RGS6: variants seen among roughly 807,000 people sequenced by gnomAD.
RGS6 encodes regulator of G protein signaling 6, also known as regulator of G-protein signaling 6.
Under a neutral mutation model 78.5 loss-of-function variants are expected in RGS6, and 30 were observed. The observed-to-expected ratio is 0.38, with a 90% CI of 0.29 to 0.52. The LOEUF (loss-of-function observed/expected upper bound fraction) is 0.52. Among genes scored for constraint, RGS6 ranks in the 20% least tolerant of loss-of-function variants. RGS6 has a pLI of 0.85. For missense variants in RGS6, 495 were observed against 609.7 expected (o/e 0.81, Z 1.98); for synonymous variants, 206 against 206.0 (o/e 1.00, Z 0.00).
chr14:71,983,339 C>G (rs541805109), intron 2 of RGS6, among the ~76,000 whole-genome samples: 4 of 152,178 alleles, frequency 2.6e-5, no homozygotes, highest in Non-Finnish European at 1.5e-5. Flanking sequence ...ACTCCAGAGA[C>G]CTTTTTGGTT....
At chr14:71,899,257 G>T in the RGS6 span, among the ~76,000 whole-genome samples, 1 of 152,194 alleles carries the variant, frequency 6.6e-6, no homozygotes, top group Non-Finnish European at 1.5e-5. Context: ...GAACTAGCTT[G>T]TATTTGCCGC....
At chr14:72,407,608 T>C (rs536096411) in intron 3 of RGS6, among the ~76,000 whole-genome samples, 26 of 152,356 alleles carry the variant, frequency 1.7e-4, no homozygotes, top group African/African-American at 6.3e-4. Context: ...GTCCGTGTTA[T>C]TCTAGACAGT....
At chr14:72,244,935 C>T (rs892040023) in intron 2 of RGS6, among the ~76,000 whole-genome samples, 2 of 152,050 alleles carry the variant, frequency 1.3e-5, no homozygotes, top group Non-Finnish European at 2.9e-5. Context: ...AGTGATTCTC[C>T]TGCCTCAGCC....
chr14:72,458,675 A>C (rs893559014), intron 5 of RGS6, among the ~76,000 whole-genome samples: 1 of 152,162 alleles, frequency 6.6e-6, no homozygotes, highest in African/African-American at 2.4e-5. Context: ...TTTACTTCTC[A>C]TGGTTGTGGA....
intron 2 of RGS6, among the ~76,000 whole-genome samples, chr14:72,115,328 G>T (rs1367740786): frequency 6.6e-6 from 1 of 152,196 alleles, no homozygotes; most frequent in Non-Finnish European, 1.5e-5. Flanking sequence ...CCTGAGGCCA[G>T]CAGGGTAGGC....
chr14:72,260,792 C>T (rs1181599827), intron 2 of RGS6, among the ~76,000 whole-genome samples: 1 of 152,156 alleles, frequency 6.6e-6, no homozygotes, highest in East Asian at 1.9e-4. Flanking sequence ...TTCCAACATA[C>T]AGTATTTGAT....
intron 16 of RGS6, 94 bp from the exon 17 acceptor site, chr14:72,539,947 T>C (rs2097299708): frequency 1.8e-6 from 2 of 1,127,460 alleles, no homozygotes; most frequent in Non-Finnish European, 1.2e-6. Flanking sequence ...TTGTTATTCT[T>C]TAGCTGCAGC....
At chr14:72,481,805 CTTTTTTTTTTTTT>C (rs34462310) in intron 12 of RGS6, among the ~76,000 whole-genome samples, 1 of 120,074 alleles carries the variant, frequency 8.3e-6, no homozygotes, top group Admixed American at 8.9e-5. Flanking sequence ...TTTATTTTAA[CTTTTTTTTTTTTT>C]TTTTTTTTGA....
intron 2 of RGS6, among the ~76,000 whole-genome samples, chr14:72,303,551 C>T (rs1388392175): frequency 1.3e-5 from 2 of 152,224 alleles, no homozygotes; most frequent in East Asian, 1.9e-4. Flanking sequence ...CCTTAGATTC[C>T]CCCATGAGTT....
chr14:72,570,306 C>T (rs1430571221), downstream of RGS6, among the ~76,000 whole-genome samples: 1 of 152,138 alleles, frequency 6.6e-6, no homozygotes, highest in Non-Finnish European at 1.5e-5. Context: ...GGACTTGAGC[C>T]TCCTCAGATT....
the RGS6 span, among the ~76,000 whole-genome samples, chr14:71,904,396 A>G: frequency 6.6e-6 from 1 of 152,350 alleles, no homozygotes; most frequent in Non-Finnish European, 1.5e-5. Flanking sequence ...TCTTCCCCCT[A>G]GAATAATCAG....
At chr14:72,450,171 C>A (rs2095458129) in intron 3 of RGS6, among the ~76,000 whole-genome samples, 3 of 151,746 alleles carry the variant, frequency 2.0e-5, no homozygotes, top group Non-Finnish European at 4.4e-5. Flanking sequence ...TTATATATAT[C>A]TATACATATA....
rs540445227 is a variant in RGS6 at position 71,975,114 on chromosome 14, A to G, written c.84+10239A>G. On this transcript the variant is annotated intron_variant, in intron 2 of 17. Coordinates refer to ENST00000553525, the MANE Select transcript of RGS6 (RefSeq NM_001204424.2). ...GGCTGCAGTGGGCCATGATTGTGCCACCACACTCTAGCCTGGGCAACAGAG... is the reference window on the plus strand; with the variant it reads ...GGCTGCAGTGGGCCATGATTGTGCCGCCACACTCTAGCCTGGGCAACAGAG... Among the ~76,000 whole-genome samples the G allele has an allele frequency of 6.6e-5, 10 of 152,376 alleles. No individual in the cohort carries two copies. The South Asian group carries it at 2.1e-3, about 32-fold the overall frequency.
intron 2 of RGS6, among the ~76,000 whole-genome samples, chr14:72,013,865 A>C (rs529262862): frequency 2.5e-4 from 38 of 152,346 alleles, no homozygotes; most frequent in Admixed American, 1.4e-3. Flanking sequence ...CTGTTGCTCA[A>C]AGTGAATCCC....
At chr14:72,280,657 C>T (rs1194218792) in intron 2 of RGS6, among the ~76,000 whole-genome samples, 1 of 152,216 alleles carries the variant, frequency 6.6e-6, no homozygotes. Flanking sequence ...GCAAGGTAGT[C>T]AGAAGAGACA....
Position 72,271,140 on chromosome 14 carries a change from G to A in RGS6, c.85-80955G>A, listed in dbSNP as rs1235203767. On this transcript the variant is annotated intron_variant, in intron 2 of 17. Coordinates refer to ENST00000553525, the MANE Select transcript of RGS6 (RefSeq NM_001204424.2). ...GTACCTCATTAATATTGTTCCTCTC[G>A]TTTCACCACTGTATTAATCTGTTCT... 3.3e-5 allele frequency among the ~76,000 whole-genome samples: 5 copies of A among 152,066 alleles called. No homozygotes were observed. In the East Asian group the frequency reaches 5.8e-4, roughly 18 times the overall value.
At chr14:71,954,375 T>C (rs533490626) in intron 1 of RGS6, among the ~76,000 whole-genome samples, 1 of 152,218 alleles carries the variant, frequency 6.6e-6, no homozygotes, top group East Asian at 1.9e-4. Context: ...CTTAATTCTC[T>C]CTCTCTTTTT....
intron 2 of RGS6, among the ~76,000 whole-genome samples, chr14:72,223,180 TA>T (rs1447080843): frequency 6.6e-5 from 10 of 152,092 alleles, no homozygotes; most frequent in African/African-American, 2.2e-4. Context: ...CTGTAAGCCC[TA>T]AAAAAAGAAA....
At chr14:72,447,599 T>A (rs1320584183) in intron 3 of RGS6, among the ~76,000 whole-genome samples, 1 of 152,230 alleles carries the variant, frequency 6.6e-6, no homozygotes, top group Non-Finnish European at 1.5e-5. Context: ...ATGGGCTCTG[T>A]GAGTAGCCAA....
Sources: gnomAD v4.1 joint callset for allele counts (sites outside exome capture counted in the v4.1 genomes callset) on GRCh38, gnomAD v4.1.1 for gene constraint, MANE v1.5 for transcripts, NCBI Gene and HGNC (gene_info 2026-07-23, HGNC 2026-07-21) for gene names.